Variants in PHLDB1 observed in about 807,000 individuals in gnomAD.
The protein encoded by PHLDB1 is pleckstrin homology-like domain family B member 1.
Under a neutral mutation model 139.3 loss-of-function variants are expected in PHLDB1, and 65 were observed. The observed-to-expected ratio is 0.47, with a 90% CI of 0.38 to 0.57. PHLDB1 has a LOEUF of 0.57. Ranked by LOEUF, PHLDB1 falls within the 20% of genes least tolerant of loss-of-function variation. The pLI, the probability that PHLDB1 is intolerant of heterozygous loss-of-function variation, is 0.00. For missense variants in PHLDB1, 1,624 were observed against 1,839.7 expected, an observed-to-expected ratio of 0.88 and a Z score of 2.14; for synonymous variants, 679 against 734.5, an observed-to-expected ratio of 0.92 and a Z score of 1.22.
At position 118,628,059 on chromosome 11, in the gene PHLDB1, TGAG is replaced by T; in HGVS notation, c.1237_1239del (p.Glu413del). On this transcript the variant is annotated inframe_deletion, in exon 6 of 23. Transcript: ENST00000600882. Reference sequence around the variant, plus strand: ...GCCCTTTCCGTGAGCCTCCAGGCAGTGAGCGGGTGCTAACAACCAGCCCCTCAC... The same window carrying T: ...GCCCTTTCCGTGAGCCTCCAGGCAGTCGGGTGCTAACAACCAGCCCCTCAC... 2 of 1,613,964 alleles carry T rather than the reference TGAG, an allele frequency of 1.2e-6. No individual in the cohort carries two copies. The highest frequency in any genetic ancestry group is 1.7e-6 in the Non-Finnish European group (2 of 1,179,992).
intron 12 of PHLDB1, chr11:118,641,527 C>A: frequency 1.3e-6 from 1 of 797,842 alleles, no homozygotes; most frequent in Non-Finnish European, 1.7e-6. Flanking sequence ...TGCCCTTTCC[C>A]TCCCTTCCCC....
chr11:118,624,935 C>T lies in PHLDB1; in HGVS notation c.357C>T (p.Gly119=). The T allele has an allele frequency of 6.2e-7, 1 of 1,614,056 alleles. No individual in the cohort carries two copies. The highest frequency in any genetic ancestry group is 1.7e-4 in the Middle Eastern group (1 of 6,060). The change falls in exon 5 of 23, where the codon GGC becomes GGT. Residue 119 remains glycine, a splice_region_variant and synonymous_variant. Coordinates refer to ENST00000600882, the MANE Select transcript of PHLDB1 (RefSeq NM_001144758.3). ...TTCAAGTGTTTGCTTTCTCTGCAGG[C>T]TGCATGTTGTGCCTGGGTCAGTCCA... is the stretch of plus-strand genomic sequence containing the variant. ...PVRQPTRLTQ[G]CMLCLGQSTF...
chr11:118,643,576 G>A (rs1478643620), intron 13 of PHLDB1: 8 of 985,400 alleles, frequency 8.1e-6, no homozygotes, highest in South Asian at 4.7e-5. Context: ...TAGACCCAGG[G>A]TTGGGCTAGG....
At position 118,650,080 on chromosome 11, in the gene PHLDB1, C is replaced by A; in HGVS notation, c.3658C>A (p.Arg1220=). ...KMREKQFSQA[R]PLTRYLPIRK... ...TGACCCTCCCTCTTGCTCCCAGGCACGACCCCTGACCCGCTACCTGCCAAT... is the reference window on the plus strand; with the variant it reads ...TGACCCTCCCTCTTGCTCCCAGGCAAGACCCCTGACCCGCTACCTGCCAAT... The change falls in exon 19 of 23, where the codon CGA becomes AGA. Residue 1220 remains arginine, a synonymous_variant. Coordinates refer to ENST00000600882, the MANE Select transcript of PHLDB1 (RefSeq NM_001144758.3). This position sits in a 1 kb window ranked among gnomAD's most constrained non-coding sequence, Gnocchi z 4.7. The A allele has an allele frequency of 6.2e-7, 1 of 1,612,626 alleles. No homozygotes were observed. The highest frequency in any genetic ancestry group is 8.5e-7 in the Non-Finnish European group (1 of 1,178,612).
rs57599971 is a variant in PHLDB1 at position 118,623,917 on chromosome 11, T to TGTGTGAGA, written c.356-1016_356-1015insTGTGAGAG. Among the ~76,000 whole-genome samples, 90 of 144,388 alleles carry TGTGTGAGA rather than the reference T, an allele frequency of 6.2e-4. 1 individual carries two copies. The East Asian group carries it at 0.016, about 26-fold the overall frequency. 94.7% of individuals were successfully genotyped at this position (144,388 alleles called of 152,430 possible). A position where few individuals can be genotyped will look rare whatever the true frequency, so the allele number is the denominator to read the frequency against. ...GTGTGTGTGTGTGTGTGTGTGTGTGTGAGACGGAGTTTCGCTCTGTTGCCC... is the reference window on the plus strand; with the variant it reads ...GTGTGTGTGTGTGTGTGTGTGTGTGTGTGTGAGAGAGACGGAGTTTCGCTCTGTTGCCC... On this transcript the variant is annotated intron_variant, in intron 4 of 22. Coordinates refer to ENST00000600882, the MANE Select transcript of PHLDB1 (RefSeq NM_001144758.3).
intron 13 of PHLDB1, among the ~76,000 whole-genome samples, chr11:118,643,081 C>T (rs919982080): frequency 1.2e-4 from 19 of 152,244 alleles, no homozygotes; most frequent in African/African-American, 3.9e-4. Context: ...ACTGTGACCT[C>T]AGCTAAAATT....
At chr11:118,656,447 A>G (rs1451963735) in intron 22 of PHLDB1, among the ~76,000 whole-genome samples, 2 of 152,204 alleles carry the variant, frequency 1.3e-5, no homozygotes, top group African/African-American at 4.8e-5. Flanking sequence ...TTGTCAGGGT[A>G]TAGCTCTGTC....
At chr11:118,639,943 G>C (rs1565468944) in intron 12 of PHLDB1, 1 of 986,146 alleles carries the variant, frequency 1.0e-6, no homozygotes, top group Non-Finnish European at 1.2e-6. Flanking sequence ...TCTCAGGCTG[G>C]GGCCTCCTCT....
chr11:118,635,066 C>A (rs1323951931), intron 9 of PHLDB1: 7 of 502,702 alleles, frequency 1.4e-5, no homozygotes, highest in Non-Finnish European at 2.7e-5. Context: ...GTTCCACCGC[C>A]CCCCCTCCCC....
In PHLDB1 at chr11:118,650,378, C is replaced by T. The variant is rs1370702138; in HGVS notation, c.3772-67C>T. 17 of 1,131,090 alleles carry T rather than the reference C, an allele frequency of 1.5e-5. No homozygotes were observed. The highest frequency in any genetic ancestry group is 1.9e-4 in the Middle Eastern group (1 of 5,154). 70.1% of individuals were successfully genotyped at this position (1,131,090 alleles called of 1,614,324 possible). A position where few individuals can be genotyped will look rare whatever the true frequency, so the allele number is the denominator to read the frequency against. On this transcript the variant is annotated intron_variant, in intron 19 of 22. Transcript: ENST00000600882. The surrounding 1 kb of genome is among the most constrained non-coding windows in gnomAD (Gnocchi z 4.7). The stretch of plus-strand genomic sequence containing the variant: ...AATCCCCCATGAATACAGGCACAGG[C>T]GATGGCACACACTTAAGGCTTAAGG...
intron 1 of PHLDB1, chr11:118,613,579 C>T: frequency 1.4e-6 from 1 of 690,818 alleles, no homozygotes; most frequent in Non-Finnish European, 2.1e-6. Context: ...ACTGTTTGTG[C>T]TTACAGTGGC....
chr11:118,641,567 T>C, intron 12 of PHLDB1: 1 of 1,176,938 alleles, frequency 8.5e-7, no homozygotes, highest in Non-Finnish European at 1.1e-6. Context: ...TGTGTTCTGG[T>C]TCCATTAACC....
intron 9 of PHLDB1, 106 bp from the exon 10 acceptor site, chr11:118,635,287 T>TACAA: frequency 1.5e-6 from 2 of 1,337,394 alleles, no homozygotes; most frequent in Non-Finnish European, 2.0e-6. Flanking sequence ...CTTACCCAAT[T>TACAA]TCCCCGGGTC....
chr11:118,614,467 G>C (rs1941176668), intron 2 of PHLDB1, 92 bp from the exon 3 acceptor site: 4 of 1,415,760 alleles, frequency 2.8e-6, no homozygotes, highest in Non-Finnish European at 3.9e-6. Context: ...TTCGGAGAGG[G>C]GCGAGGGCTG....
chr11:118,622,165 C>G (rs1175539110), intron 4 of PHLDB1, among the ~76,000 whole-genome samples: 2 of 152,084 alleles, frequency 1.3e-5, no homozygotes, highest in East Asian at 1.9e-4. Context: ...CCTGATCCCC[C>G]CTGGGCATGG....
intron 20 of PHLDB1, 186 bp from the exon 21 acceptor site, chr11:118,655,419 T>G: frequency 1.9e-6 from 1 of 529,768 alleles, no homozygotes; most frequent in Non-Finnish European, 3.4e-6. Context: ...TCTCTGTGAT[T>G]ATGAGTGAGG....
rs1438470428 is a variant in PHLDB1 at position 118,632,396 on chromosome 11, A to T, written c.2379+100A>T. The T allele has an allele frequency of 1.0e-5, 12 of 1,204,730 alleles. No individual in the cohort carries two copies. In the Admixed American group the frequency reaches 2.2e-4, roughly 22 times the overall value. The allele number at this position is 1,204,730 out of a possible 1,614,324, so 74.6% of individuals were successfully genotyped here. A position where few individuals can be genotyped will look rare whatever the true frequency, so the allele number is the denominator to read the frequency against. On this transcript the variant is annotated intron_variant, in intron 9 of 22. Transcript: ENST00000600882. This position sits in a 1 kb window ranked among gnomAD's most constrained non-coding sequence, Gnocchi z 5.9. ...CCCTGTACCCTTCACCTCATCATCC[A>T]TTCTGCAGTACAAGTGGTCTCTGTG...
At chr11:118,639,956 C>G in intron 12 of PHLDB1, 1 of 986,252 alleles carries the variant, frequency 1.0e-6, no homozygotes, top group African/African-American at 1.7e-5. Context: ...CCTCCTCTGT[C>G]TCTTTAACCC....
chr11:118,630,983 G>A (rs1270124441), intron 6 of PHLDB1, among the ~76,000 whole-genome samples: 2 of 149,312 alleles, frequency 1.3e-5, no homozygotes, highest in Admixed American at 6.6e-5. Flanking sequence ...GTTATGCCAT[G>A]TGGGCATGTG....
Sources: allele counts gnomAD v4.1 joint callset (sites outside exome capture counted in the v4.1 genomes callset), GRCh38; gene constraint gnomAD v4.1.1; non-coding constraint Gnocchi (gnomAD v3.1); transcripts MANE v1.5; gene names NCBI Gene and HGNC (gene_info 2026-07-23, HGNC 2026-07-21).